ZBBX: variants seen among roughly 807,000 people sequenced by gnomAD.
ZBBX encodes the protein zinc finger B-box domain-containing protein 1.
In ZBBX, 101 loss-of-function variants were observed where a neutral mutation model predicts 108.5. The observed-to-expected ratio is 0.93, with a 90% CI of 0.79 to 1.10. ZBBX has a LOEUF of 1.10. ZBBX is among the 50% of genes least tolerant of loss of function. ZBBX has a pLI of 0.00. For synonymous variants in ZBBX, 356 were observed against 323.4 expected, an observed-to-expected ratio of 1.10 and a Z score of -1.08; for missense variants, 1,009 against 941.4, an observed-to-expected ratio of 1.07 and a Z score of -0.94.
At chr3:167,212,517 A>G in the ZBBX span, among the ~76,000 whole-genome samples, 1 of 152,160 alleles carries the variant, frequency 6.6e-6, no homozygotes, top group African/African-American at 2.4e-5. Flanking sequence ...CAAGGAGAGG[A>G]GGCCAGTCCA....
chr3:167,266,367 T>C lies in ZBBX; in HGVS notation c.2254+15871A>G, dbSNP rs148758344. Among the ~76,000 whole-genome samples, 827 of 152,296 alleles carry C rather than the reference T, an allele frequency of 5.4e-3. 5 individuals carry two copies. Among genetic ancestry groups the C allele is most frequent in the African/African-American group, 0.019 (785 of 41,564 alleles). ...GTTTAGCCTGTTAACTTCCTTACCC[T>C]TTGTTCTCCAACTTAACTTTCTTGT... On this transcript the variant is annotated intron_variant, in intron 20 of 21. Transcript: ENST00000675490.
At chr3:167,253,962 A>G (rs1723046768) in intron 20 of ZBBX, among the ~76,000 whole-genome samples, 1 of 152,192 alleles carries the variant, frequency 6.6e-6, no homozygotes, top group South Asian at 2.1e-4. Flanking sequence ...GAGCAACAAC[A>G]TGACAGGCAT....
the ZBBX span, among the ~76,000 whole-genome samples, chr3:167,194,541 A>C: frequency 6.6e-6 from 1 of 152,208 alleles, no homozygotes; most frequent in East Asian, 1.9e-4. Context: ...AGAATTTGGA[A>C]GTGAGAAGTA....
At chr3:167,382,285 G>C (rs1560213423), upstream of ZBBX, among the ~76,000 whole-genome samples, 1 of 152,174 alleles carries the variant, frequency 6.6e-6, no homozygotes, top group Non-Finnish European at 1.5e-5. Flanking sequence ...TGAAGTGCTT[G>C]TCTTTCAGAA....
Position 167,298,347 on chromosome 3 carries a change from G to A in ZBBX, c.1837C>T (p.Arg613Cys), listed in dbSNP as rs766835157. 9 of 1,598,744 alleles carry A rather than the reference G, an allele frequency of 5.6e-6. No homozygotes were observed. Among genetic ancestry groups the A allele is most frequent in the East Asian group, 2.3e-5 (1 of 44,310 alleles). ...NERLNLLPSH[R>C]LECNNSSTRI... ...GTACTGGAATTGTTGCATTCTAAAC[G>A]ATGAGAAGGAAGTAAGTTGAGTCTT... Residue 613 changes from arginine (R) to cysteine (C), a missense_variant, in exon 18 of 22, where the codon CGT (arginine) becomes TGT (cysteine). Coordinates refer to ENST00000675490, the MANE Select transcript of ZBBX (RefSeq NM_001199201.2).
the ZBBX span, among the ~76,000 whole-genome samples, chr3:167,232,367 G>A: frequency 2.6e-5 from 4 of 151,744 alleles, no homozygotes; most frequent in Non-Finnish European, 5.9e-5. Flanking sequence ...TAAATGGCTC[G>A]TTTTCACCTT....
At chr3:167,277,634 C>T (rs1727862755) in intron 20 of ZBBX, among the ~76,000 whole-genome samples, 2 of 152,000 alleles carry the variant, frequency 1.3e-5, no homozygotes, top group African/African-American at 2.4e-5. Context: ...ACTTAGACTC[C>T]CACACATTAA....
At chr3:167,384,892 G>T (rs958678812), upstream of ZBBX, among the ~76,000 whole-genome samples, 1 of 151,956 alleles carries the variant, frequency 6.6e-6, no homozygotes, top group South Asian at 2.1e-4. Context: ...ACTAGCACTG[G>T]TCATTGAAGC....
At chr3:167,202,088 A>G in the ZBBX span, among the ~76,000 whole-genome samples, 1 of 152,120 alleles carries the variant, frequency 6.6e-6, no homozygotes, top group Non-Finnish European at 1.5e-5. Context: ...TACAGGTGGC[A>G]TTACATTTAC....
chr3:167,244,139 CT>C (rs1349211499), intron 20 of ZBBX, among the ~76,000 whole-genome samples: 1 of 152,152 alleles, frequency 6.6e-6, no homozygotes, highest in African/African-American at 2.4e-5. Flanking sequence ...TAATAACTTG[CT>C]GAAAGTCACA....
At chr3:167,189,343 C>A in the ZBBX span, among the ~76,000 whole-genome samples, 1 of 152,120 alleles carries the variant, frequency 6.6e-6, no homozygotes, top group Non-Finnish European at 1.5e-5. Context: ...CTTTCTTACA[C>A]TCACCCCAGT....
chr3:167,226,495 T>C, the ZBBX span, among the ~76,000 whole-genome samples: 1 of 151,742 alleles, frequency 6.6e-6, no homozygotes, highest in Non-Finnish European at 1.5e-5. Flanking sequence ...TGGAACATTG[T>C]TACCACTGTG....
chr3:167,392,548 G>C (rs1748108739), intron 1 of ZBBX, among the ~76,000 whole-genome samples: 1 of 151,724 alleles, frequency 6.6e-6, no homozygotes, highest in Non-Finnish European at 1.5e-5. Flanking sequence ...TCTAGTTGCT[G>C]CTCCACTTTT....
At chr3:167,348,356 G>GAAAGAGAAAGAA (rs1553832874) in intron 9 of ZBBX, among the ~76,000 whole-genome samples, 28 of 115,016 alleles carry the variant, frequency 2.4e-4, no homozygotes, top group Non-Finnish European at 4.2e-4. Flanking sequence ...AAGAAAGAAA[G>GAAAGAGAAAGAA]AAAGAAAGAA....
At chr3:167,204,262 C>T in the ZBBX span, among the ~76,000 whole-genome samples, 13 of 112,372 alleles carry the variant, frequency 1.2e-4, no homozygotes, top group East Asian at 6.9e-4. Flanking sequence ...TTATTATACT[C>T]TAAGTTTTAG....
At chr3:167,362,680 A>T (rs1228951564) in intron 6 of ZBBX, among the ~76,000 whole-genome samples, 4 of 152,106 alleles carry the variant, frequency 2.6e-5, no homozygotes, top group Non-Finnish European at 4.4e-5. Context: ...CTTTGCTTAG[A>T]CACAATCTTC....
chr3:167,345,364 G>T (rs919741916), intron 9 of ZBBX, among the ~76,000 whole-genome samples: 6 of 151,818 alleles, frequency 4.0e-5, no homozygotes, highest in Non-Finnish European at 2.9e-5. Context: ...GAATGAACAT[G>T]CACTTGTAGT....
At chr3:167,291,699 A>G (rs1576908829) in intron 18 of ZBBX, among the ~76,000 whole-genome samples, 2 of 152,208 alleles carry the variant, frequency 1.3e-5, no homozygotes, top group Admixed American at 6.5e-5. Flanking sequence ...ACATTCACAC[A>G]TAACAATATT....
chr3:167,186,712 A>C, the ZBBX span, among the ~76,000 whole-genome samples: 1 of 152,200 alleles, frequency 6.6e-6, no homozygotes, highest in Non-Finnish European at 1.5e-5. Context: ...GGGTTTCTGC[A>C]ACCAACAAAA....
Sources: allele counts gnomAD v4.1 joint callset (sites outside exome capture counted in the v4.1 genomes callset), GRCh38; gene constraint gnomAD v4.1.1; transcripts MANE v1.5; gene names NCBI Gene and HGNC (gene_info 2026-07-23, HGNC 2026-07-21).